Variants in SRGN observed in about 807,000 individuals in gnomAD.
SRGN encodes the protein serglycin.
SRGN carries 2 observed loss-of-function variants against 9.5 expected under a neutral mutation model. The observed-to-expected ratio is 0.21, with a 90% confidence interval of 0.09 to 0.66. The LOEUF (loss-of-function observed/expected upper bound fraction) is 0.66, where lower values mean the gene tolerates loss of function less well. SRGN is among the 30% of genes least tolerant of loss of function. The pLI is 0.83. For missense variants in SRGN, 170 were observed against 192.4 expected, an observed-to-expected ratio of 0.88 and a Z score of 0.69; for synonymous variants, 59 against 72.3, an observed-to-expected ratio of 0.82 and a Z score of 0.93.
upstream of SRGN, chr10:69,087,975 C>A (rs899538180): frequency 6.5e-6 from 4 of 611,578 alleles, no homozygotes; most frequent in Non-Finnish European, 1.2e-5. Flanking sequence ...ACTGTGTTCC[C>A]CCCACCCCCT....
At chr10:69,101,520 A>G (rs1840290781) in intron 2 of SRGN, among the ~76,000 whole-genome samples, 1 of 152,024 alleles carries the variant, frequency 6.6e-6, no homozygotes, top group African/African-American at 2.4e-5. Context: ...TCCCATCAGT[A>G]TAGGGGTGGA....
At chr10:69,090,893 CT>C (rs1840038949) in intron 1 of SRGN, among the ~76,000 whole-genome samples, 1 of 152,082 alleles carries the variant, frequency 6.6e-6, no homozygotes, top group South Asian at 2.1e-4. Flanking sequence ...GAATCTTCCA[CT>C]TTTATTGCCT....
intron 1 of SRGN, among the ~76,000 whole-genome samples, chr10:69,092,907 G>A (rs1047769454): frequency 8.6e-5 from 13 of 151,894 alleles, no homozygotes; most frequent in East Asian, 3.8e-4. Flanking sequence ...GAAAGCCTTC[G>A]TTACGAATTT....
At chr10:69,102,259 A>G (rs1840308714) in intron 2 of SRGN, among the ~76,000 whole-genome samples, 3 of 152,194 alleles carry the variant, frequency 2.0e-5, no homozygotes, top group Admixed American at 6.5e-5. Context: ...GCATGGGTTT[A>G]ACTACCAAAT....
chr10:69,093,793 G>A (rs907013054), intron 1 of SRGN, among the ~76,000 whole-genome samples: 1 of 152,154 alleles, frequency 6.6e-6, no homozygotes, highest in African/African-American at 2.4e-5. Flanking sequence ...CTTAAACCCA[G>A]GTGGCGGAGG....
At chr10:69,101,456 C>G (rs1840289484) in intron 2 of SRGN, among the ~76,000 whole-genome samples, 1 of 152,172 alleles carries the variant, frequency 6.6e-6, no homozygotes, top group African/African-American at 2.4e-5. Context: ...TTTTCCCATG[C>G]ATCTTCTCCA....
chr10:69,102,363 T>A (rs1485354926), intron 2 of SRGN, among the ~76,000 whole-genome samples: 1 of 152,188 alleles, frequency 6.6e-6, no homozygotes, highest in African/African-American at 2.4e-5. Context: ...CACCTATGAT[T>A]TTCCTGATTT....
chr10:69,092,612 G>A (rs912439864), intron 1 of SRGN, among the ~76,000 whole-genome samples: 1 of 152,068 alleles, frequency 6.6e-6, no homozygotes, highest in African/African-American at 2.4e-5. Flanking sequence ...TGGCCAACAT[G>A]GTGAGAACTT....
At chr10:69,090,341 A>G (rs1840025809) in intron 1 of SRGN, among the ~76,000 whole-genome samples, 1 of 152,244 alleles carries the variant, frequency 6.6e-6, no homozygotes. Flanking sequence ...TTTACTGAGC[A>G]TATTCAAAAC....
chr10:69,091,909 G>GA (rs1208815472), intron 1 of SRGN, among the ~76,000 whole-genome samples: 4 of 62,018 alleles, frequency 6.4e-5, no homozygotes, highest in Admixed American at 2.3e-4. Flanking sequence ...AAAAAAAAAA[G>GA]AAAAAGAAAA....
rs2132163145 is a variant in SRGN at position 69,104,218 on chromosome 10, T to A, written c.*98T>A. The A allele has an allele frequency of 6.2e-6, 9 of 1,445,718 alleles. No individual in the cohort carries two copies. In the South Asian group the frequency reaches 7.3e-5, roughly 12 times the overall value. The allele number at this position is 1,445,718 out of a possible 1,614,324, so 89.6% of individuals were successfully genotyped here. A position where few individuals can be genotyped will look rare whatever the true frequency, so the allele number is the denominator to read the frequency against. ...CTTGGGACAAAGAATTTTATAGAAATTTTTAAACATCTGAAAAAGAAGCTT... is the reference window on the plus strand; with the variant it reads ...CTTGGGACAAAGAATTTTATAGAAAATTTTAAACATCTGAAAAAGAAGCTT... On this transcript the variant is annotated 3_prime_UTR_variant, in exon 3 of 3. Transcript: ENST00000242465.
chr10:69,088,248 G>C lies in SRGN; in HGVS notation c.79+12G>C. The C allele has an allele frequency of 6.2e-7, 1 of 1,612,684 alleles. No homozygotes were observed. The highest frequency in any genetic ancestry group is 8.5e-7 in the Non-Finnish European group (1 of 1,178,754). ...ATCCTCAGTTCAAGGTAAGACTCAG[G>C]AGTCTTGTTCCCCAGCCATCTTCTC... On this transcript the variant is annotated intron_variant, in intron 1 of 2. Transcript: ENST00000242465.
chr10:69,096,129 T>C (rs1427638518), intron 1 of SRGN, among the ~76,000 whole-genome samples: 1 of 152,152 alleles, frequency 6.6e-6, no homozygotes, highest in African/African-American at 2.4e-5. Context: ...CTAAGGATAC[T>C]GTATGGCCCT....
Position 69,088,366 on chromosome 10 carries a change from G to C in SRGN, c.79+130G>C, listed in dbSNP as rs1839981744. ...AAAGGAGGCAAAGAAGAAGGATTTG[G>C]GGTCGCTGAACCCTTTAATATGAGT... On this transcript the variant is annotated intron_variant, in intron 1 of 2. Coordinates refer to ENST00000242465, the MANE Select transcript of SRGN (RefSeq NM_002727.4). 5.0e-6 allele frequency: 4 copies of C among 794,272 alleles called. No homozygotes were observed. In the South Asian group the frequency reaches 6.8e-5, roughly 13 times the overall value. The allele number at this position is 794,272 out of a possible 1,614,324, so 49.2% of individuals were successfully genotyped here. A position where few individuals can be genotyped will look rare whatever the true frequency, so the allele number is the denominator to read the frequency against.
At chr10:69,091,906 A>AAAGAAAAAG (rs1840067550) in intron 1 of SRGN, among the ~76,000 whole-genome samples, 1 of 91,264 alleles carries the variant, frequency 1.1e-5, no homozygotes, top group East Asian at 3.3e-4. Context: ...AAAAAAAAAA[A>AAAGAAAAAG]AAGAAAAAGA....
At chr10:69,091,076 G>A (rs1161500584) in intron 1 of SRGN, among the ~76,000 whole-genome samples, 1 of 152,082 alleles carries the variant, frequency 6.6e-6, no homozygotes, top group African/African-American at 2.4e-5. Flanking sequence ...TCCATTCTCT[G>A]GTAATCATCA....
chr10:69,089,154 T>C (rs1840000696), intron 1 of SRGN, among the ~76,000 whole-genome samples: 2 of 152,242 alleles, frequency 1.3e-5, no homozygotes, highest in African/African-American at 2.4e-5. Context: ...TTGGTTGTCA[T>C]GATCTTACTT....
At chr10:69,092,484 C>T (rs1840084606) in intron 1 of SRGN, among the ~76,000 whole-genome samples, 1 of 152,028 alleles carries the variant, frequency 6.6e-6, no homozygotes, top group African/African-American at 2.4e-5. Flanking sequence ...TACAGTTCAC[C>T]CATTAAAAGT....
chr10:69,093,389 C>T (rs1173838808), intron 1 of SRGN, among the ~76,000 whole-genome samples: 1 of 152,132 alleles, frequency 6.6e-6, no homozygotes, highest in Non-Finnish European at 1.5e-5. Context: ...AATATGGCCG[C>T]TGGAACATTT....
Sources: gnomAD v4.1 joint callset for allele counts (sites outside exome capture counted in the v4.1 genomes callset) on GRCh38, gnomAD v4.1.1 for gene constraint, MANE v1.5 for transcripts, NCBI Gene and HGNC (gene_info 2026-07-23, HGNC 2026-07-21) for gene names.